Variants in DLGAP1 observed in about 807,000 individuals in gnomAD.
The protein encoded by DLGAP1 is disks large-associated protein 1.
In DLGAP1, 11 loss-of-function variants were observed where a neutral mutation model predicts 90.8. The ratio of observed to expected loss-of-function variants is 0.12; its 90% CI spans 0.08 to 0.20. The LOEUF (loss-of-function observed/expected upper bound fraction) is 0.20, where lower values mean the gene tolerates loss of function less well. DLGAP1 is among the 10% of genes least tolerant of loss of function. The pLI, the probability that DLGAP1 is intolerant of heterozygous loss-of-function variation, is 1.00. For missense variants in DLGAP1, 1,050 were observed against 1,333.8 expected (o/e 0.79, Z 3.31); for synonymous variants, 558 against 540.7 (o/e 1.03, Z -0.44).
chr18:3,853,373 T>A (rs965387867), intron 4 of DLGAP1, among the ~76,000 whole-genome samples: 1 of 152,128 alleles, frequency 6.6e-6, no homozygotes, highest in South Asian at 2.1e-4. Context: ...TCAATAATGA[T>A]TGGATGTAAG....
intron 7 of DLGAP1, among the ~76,000 whole-genome samples, chr18:3,657,997 C>A (rs553525592): frequency 1.4e-4 from 22 of 152,304 alleles, no homozygotes; most frequent in African/African-American, 4.8e-4. Context: ...AGTTGCATCT[C>A]AGTTTGCCCT....
chr18:4,297,702 G>A (rs1053362632), intron 1 of DLGAP1, among the ~76,000 whole-genome samples: 3 of 152,018 alleles, frequency 2.0e-5, no homozygotes, highest in African/African-American at 7.2e-5. Flanking sequence ...TCTATTCTCC[G>A]GATGAGATTG....
chr18:4,081,692 G>T (rs7245047), intron 2 of DLGAP1, among the ~76,000 whole-genome samples: 41,506 of 152,132 alleles, frequency 0.27, 5,943 homozygotes, highest in Non-Finnish European at 0.31. Flanking sequence ...ACTGAAGTCT[G>T]TCAATGCACC....
intron 7 of DLGAP1, among the ~76,000 whole-genome samples, chr18:3,614,946 G>A (rs954494311): frequency 1.3e-5 from 2 of 151,826 alleles, no homozygotes; most frequent in African/African-American, 4.8e-5. Flanking sequence ...TTTTGAGATG[G>A]AGTCTCACTC....
intron 3 of DLGAP1, among the ~76,000 whole-genome samples, chr18:3,913,671 T>C (rs1235952675): frequency 6.6e-6 from 1 of 152,244 alleles, no homozygotes; most frequent in Non-Finnish European, 1.5e-5. Flanking sequence ...AAATATCTGA[T>C]AGTTTTAGGT....
chr18:4,102,534 T>C (rs1464999558), intron 2 of DLGAP1, among the ~76,000 whole-genome samples: 1 of 152,052 alleles, frequency 6.6e-6, no homozygotes, highest in Non-Finnish European at 1.5e-5. Context: ...AAAAGCAACA[T>C]CCTACAAAAT....
intron 5 of DLGAP1, among the ~76,000 whole-genome samples, chr18:3,810,105 G>C (rs1192964644): frequency 3.3e-5 from 5 of 152,162 alleles, no homozygotes; most frequent in Non-Finnish European, 7.3e-5. Flanking sequence ...CTAGTGATGA[G>C]GTGGAGTGAT....
chr18:4,088,082 A>G (rs1430009271), intron 2 of DLGAP1, among the ~76,000 whole-genome samples: 1 of 128,840 alleles, frequency 7.8e-6, no homozygotes, highest in Non-Finnish European at 1.7e-5. Flanking sequence ...TTTCTTAAAC[A>G]TTTATTTTTT....
intron 1 of DLGAP1, among the ~76,000 whole-genome samples, chr18:4,297,762 ATCTC>A (rs532152812): frequency 2.0e-5 from 3 of 151,256 alleles, no homozygotes; most frequent in Admixed American, 1.3e-4. Flanking sequence ...CTCTCTCTCA[ATCTC>A]TCTCTCTCTC....
intron 5 of DLGAP1, among the ~76,000 whole-genome samples, chr18:3,759,266 A>AC (rs1461105163): frequency 2.6e-5 from 4 of 151,962 alleles, no homozygotes; most frequent in South Asian, 2.1e-4. Context: ...CCAAAAAAAA[A>AC]AAAAAACAAA....
intron 1 of DLGAP1, among the ~76,000 whole-genome samples, chr18:4,240,299 TA>T (rs1302301553): frequency 6.6e-6 from 1 of 152,168 alleles, no homozygotes; most frequent in Non-Finnish European, 1.5e-5. Flanking sequence ...ATTTATGCAT[TA>T]AAATCTAGTA....
chr18:4,258,023 G>A (rs900696053), intron 1 of DLGAP1, among the ~76,000 whole-genome samples: 7 of 149,774 alleles, frequency 4.7e-5, no homozygotes, highest in African/African-American at 1.0e-4. Context: ...GCGCGCGCGC[G>A]TATAACCTAT....
intron 1 of DLGAP1, among the ~76,000 whole-genome samples, chr18:4,198,870 A>C (rs1223937881): frequency 6.6e-6 from 1 of 152,224 alleles, no homozygotes; most frequent in Non-Finnish European, 1.5e-5. Flanking sequence ...ATTCTTATTA[A>C]CTTGCATTGC....
At chr18:4,009,413 C>G (rs1360182666) in intron 2 of DLGAP1, among the ~76,000 whole-genome samples, 1 of 152,222 alleles carries the variant, frequency 6.6e-6, no homozygotes, top group Non-Finnish European at 1.5e-5. Context: ...ACCACAGCAG[C>G]AGCAAACATT....
intron 7 of DLGAP1, among the ~76,000 whole-genome samples, chr18:3,615,647 G>A (rs1289810626): frequency 6.6e-6 from 1 of 152,158 alleles, no homozygotes; most frequent in East Asian, 1.9e-4. Flanking sequence ...TTTGTCTGAA[G>A]CAGTGAGCCC....
intron 5 of DLGAP1, among the ~76,000 whole-genome samples, chr18:3,779,499 G>A (rs557905289): frequency 2.8e-4 from 42 of 152,244 alleles, no homozygotes; most frequent in Non-Finnish European, 5.4e-4. Context: ...ACTCTCTGAG[G>A]ATACAGGTAA....
At chr18:3,755,986 T>A (rs940437326) in intron 5 of DLGAP1, among the ~76,000 whole-genome samples, 3 of 151,944 alleles carry the variant, frequency 2.0e-5, no homozygotes, top group African/African-American at 7.2e-5. Flanking sequence ...ATAATAGAAG[T>A]AAACTGGAAA....
chr18:3,978,155 TG>T (rs2073639275), intron 3 of DLGAP1: 4 of 450,524 alleles, frequency 8.9e-6, no homozygotes, highest in African/African-American at 2.0e-5. Context: ...CCTTGGCTGG[TG>T]GGGGGCAAAG....
intron 3 of DLGAP1, among the ~76,000 whole-genome samples, chr18:3,994,157 G>A (rs1025889777): frequency 6.6e-6 from 1 of 152,144 alleles, no homozygotes; most frequent in African/African-American, 2.4e-5. Context: ...GGCACCGGGT[G>A]ATCCAGGCAA....
Sources: allele counts gnomAD v4.1 joint callset (sites outside exome capture counted in the v4.1 genomes callset), GRCh38; gene constraint gnomAD v4.1.1; transcripts MANE v1.5; gene names NCBI Gene and HGNC (gene_info 2026-07-23, HGNC 2026-07-21).